STARD13: variants seen among roughly 807,000 people sequenced by gnomAD.
The protein encoded by STARD13 is StAR related lipid transfer domain containing 13, also known as stAR-related lipid transfer protein 13.
STARD13 carries 62 observed loss-of-function variants against 106.4 expected under a neutral mutation model. The ratio of observed to expected loss-of-function variants is 0.58; its 90% CI spans 0.48 to 0.72. The LOEUF (loss-of-function observed/expected upper bound fraction) is 0.72, where lower values mean the gene tolerates loss of function less well. STARD13 is among the 30% of genes least tolerant of loss of function. STARD13 has a pLI of 0.00. For synonymous variants in STARD13, 565 were observed against 553.0 expected, an observed-to-expected ratio of 1.02 and a Z score of -0.31; for missense variants, 1,387 against 1,424.0, an observed-to-expected ratio of 0.97 and a Z score of 0.42.
At position 33,167,717 on chromosome 13, in the gene STARD13, A is replaced by G; in HGVS notation, c.170-95T>C. 3 of 1,316,874 alleles carry G rather than the reference A, an allele frequency of 2.3e-6. No homozygotes were observed. In the South Asian group the frequency reaches 3.7e-5, roughly 16 times the overall value. The allele number at this position is 1,316,874 out of a possible 1,614,324, so 81.6% of individuals were successfully genotyped here. ...TGGAGACACTGGTGAGCTTTGTGCA[A>G]GTTATTACAAAGCAAAATTGTTCCA... On this transcript the variant is annotated intron_variant, in intron 1 of 13. Coordinates refer to ENST00000336934, the MANE Select transcript of STARD13 (RefSeq NM_178006.4).
At chr13:33,123,516 A>T (rs1289928120) in intron 7 of STARD13, among the ~76,000 whole-genome samples, 1 of 152,224 alleles carries the variant, frequency 6.6e-6, no homozygotes, top group Non-Finnish European at 1.5e-5. Context: ...CTTCATATTC[A>T]TCAGGAATAG....
At chr13:33,445,494 G>A in the STARD13 span, among the ~76,000 whole-genome samples, 12 of 152,202 alleles carry the variant, frequency 7.9e-5, no homozygotes, top group African/African-American at 2.4e-4. Flanking sequence ...AGTTTGGCCC[G>A]AGTAATTTAT....
At chr13:33,232,999 G>A (rs1434703681) in intron 1 of STARD13, among the ~76,000 whole-genome samples, 1 of 152,206 alleles carries the variant, frequency 6.6e-6, no homozygotes, top group Non-Finnish European at 1.5e-5. Flanking sequence ...CTCAGTGATT[G>A]ACATTCTGTG....
the STARD13 span, among the ~76,000 whole-genome samples, chr13:33,395,322 G>T: frequency 2.2e-4 from 33 of 152,178 alleles, no homozygotes; most frequent in East Asian, 3.5e-3. Context: ...GCTCAGAGTG[G>T]TCTGAAAAAT....
rs765441340 is a variant in STARD13 at position 33,118,192 on chromosome 13, A to G, written c.2154T>C (p.Pro718=). 2 of 1,614,186 alleles carry G rather than the reference A, an allele frequency of 1.2e-6. No homozygotes were observed. The highest frequency in any genetic ancestry group is 8.5e-7 in the Non-Finnish European group (1 of 1,180,026). ...HALRQMNENF[P]ENVNYEDQSA... Reference sequence around the variant, plus strand: ...ACTGGTCTTCATAGTTGACGTTCTCAGGGAAGTTTTCATTCATTTGGCGAA... The same window carrying G: ...ACTGGTCTTCATAGTTGACGTTCTCGGGGAAGTTTTCATTCATTTGGCGAA... Residue 718 remains proline, a synonymous_variant, in exon 8 of 14, where the codon CCT becomes CCC. Coordinates refer to ENST00000336934, the MANE Select transcript of STARD13 (RefSeq NM_178006.4).
At chr13:33,123,055 CAAAAAAAA>C (rs71071079) in intron 7 of STARD13, among the ~76,000 whole-genome samples, 2 of 45,842 alleles carry the variant, frequency 4.4e-5, no homozygotes, top group Non-Finnish European at 7.6e-5. Context: ...GACTCCATCT[CAAAAAAAA>C]AAAAAAAAAA....
chr13:33,153,788 G>A (rs1202373644), intron 3 of STARD13, among the ~76,000 whole-genome samples: 1 of 152,174 alleles, frequency 6.6e-6, no homozygotes, highest in East Asian at 1.9e-4. Flanking sequence ...AACAACCAGG[G>A]GCATGATGAG....
chr13:33,175,791 T>C (rs1429388126), intron 1 of STARD13, among the ~76,000 whole-genome samples: 3 of 152,356 alleles, frequency 2.0e-5, no homozygotes, highest in African/African-American at 7.2e-5. Context: ...ATTTTTCTTT[T>C]TTAAATGTTA....
At chr13:33,671,246 G>T in the STARD13 span, among the ~76,000 whole-genome samples, 1 of 152,204 alleles carries the variant, frequency 6.6e-6, no homozygotes, top group African/African-American at 2.4e-5. Context: ...ATGTCCAACA[G>T]TTGATGGATT....
intron 1 of STARD13, among the ~76,000 whole-genome samples, chr13:33,226,365 T>C (rs1888624539): frequency 6.6e-6 from 1 of 152,160 alleles, no homozygotes; most frequent in South Asian, 2.1e-4. Context: ...AGGAAGTCTT[T>C]AGTAAAAGTC....
chr13:33,499,590 T>C, the STARD13 span, among the ~76,000 whole-genome samples: 6 of 66,576 alleles, frequency 9.0e-5, no homozygotes, highest in Non-Finnish European at 3.2e-5. Context: ...TTCTTCTTCT[T>C]CTTCTTCTTC....
chr13:33,280,890 T>C (rs1430662806), intron 1 of STARD13: 2 of 152,196 alleles, frequency 1.3e-5, no homozygotes, highest in Admixed American at 6.5e-5. Context: ...CTGTGACTTC[T>C]CTCAGATCAC....
the STARD13 span, among the ~76,000 whole-genome samples, chr13:33,438,675 A>G: frequency 1.3e-5 from 2 of 152,192 alleles, no homozygotes; most frequent in African/African-American, 4.8e-5. Context: ...GGCCCAGTGT[A>G]AAGGCCTCCT....
chr13:33,433,950 C>T, the STARD13 span, among the ~76,000 whole-genome samples: 1 of 152,092 alleles, frequency 6.6e-6, no homozygotes, highest in Non-Finnish European at 1.5e-5. Flanking sequence ...AATCCATACA[C>T]AGTAGTAGAA....
chr13:33,653,171 G>A, the STARD13 span, among the ~76,000 whole-genome samples: 2 of 152,152 alleles, frequency 1.3e-5, no homozygotes, highest in Non-Finnish European at 2.9e-5. Flanking sequence ...AAATTGAGAA[G>A]CAGATCCTAA....
the STARD13 span, among the ~76,000 whole-genome samples, chr13:33,501,992 G>A: frequency 2.0e-5 from 3 of 152,150 alleles, no homozygotes; most frequent in South Asian, 2.1e-4. Flanking sequence ...CCATTTTCAC[G>A]ATATTGATTC....
the STARD13 span, among the ~76,000 whole-genome samples, chr13:33,605,698 C>T: frequency 6.6e-6 from 1 of 152,112 alleles, no homozygotes; most frequent in Admixed American, 6.5e-5. Flanking sequence ...TAATAGAGTA[C>T]TGTGCATAAT....
At chr13:33,473,436 G>C in the STARD13 span, among the ~76,000 whole-genome samples, 1 of 152,198 alleles carries the variant, frequency 6.6e-6, no homozygotes, top group Non-Finnish European at 1.5e-5. Flanking sequence ...GTATATGTCT[G>C]GTTGCATGCT....
chr13:33,508,150 C>T, the STARD13 span, among the ~76,000 whole-genome samples: 1 of 152,222 alleles, frequency 6.6e-6, no homozygotes, highest in African/African-American at 2.4e-5. Context: ...AACCACTCCT[C>T]TGCCATTCTC....
Sources: gnomAD v4.1 joint callset for allele counts (sites outside exome capture counted in the v4.1 genomes callset) on GRCh38, gnomAD v4.1.1 for gene constraint, MANE v1.5 for transcripts, NCBI Gene and HGNC (gene_info 2026-07-23, HGNC 2026-07-21) for gene names.